Variants in SLC14A2 observed in about 807,000 individuals in gnomAD.
SLC14A2 encodes the protein urea transporter 2.
Under a neutral mutation model 104.6 loss-of-function variants are expected in SLC14A2, and 91 were observed. The observed-to-expected ratio is 0.87, with a 90% CI of 0.73 to 1.04. SLC14A2 has a LOEUF of 1.04. Ranked by LOEUF, SLC14A2 falls within the 50% of genes least tolerant of loss-of-function variation. SLC14A2 has a pLI of 0.00. For missense variants in SLC14A2, 1,189 were observed against 1,156.0 expected, an observed-to-expected ratio of 1.03 and a Z score of -0.41; for synonymous variants, 476 against 466.4, an observed-to-expected ratio of 1.02 and a Z score of -0.27.
In SLC14A2 at chr18:45,629,645, G is replaced by A. The variant is rs114344612; in HGVS notation, c.521+2498G>A. 7.5e-3 allele frequency among the ~76,000 whole-genome samples: 1,142 copies of A among 152,060 alleles called. 7 individuals carry two copies. Among genetic ancestry groups the A allele is most frequent in the African/African-American group, 0.018 (766 of 41,470 alleles). On this transcript the variant is annotated intron_variant, in intron 4 of 19. Coordinates refer to ENST00000255226, the MANE Select transcript of SLC14A2 (RefSeq NM_007163.4). ...GAGATGAGCCCAAGACCCTCCCTGCGCTGACACTCTGATTCTTTGATTATC... is the reference window on the plus strand; with the variant it reads ...GAGATGAGCCCAAGACCCTCCCTGCACTGACACTCTGATTCTTTGATTATC...
At chr18:45,206,509 G>A in the SLC14A2 span, among the ~76,000 whole-genome samples, 2 of 152,142 alleles carry the variant, frequency 1.3e-5, no homozygotes, top group African/African-American at 4.8e-5. Flanking sequence ...GCCTTACTGT[G>A]CAATAACTTG....
At chr18:45,538,411 G>A (rs548239355) in intron 2 of SLC14A2, among the ~76,000 whole-genome samples, 12 of 152,192 alleles carry the variant, frequency 7.9e-5, no homozygotes, top group African/African-American at 2.9e-4. Flanking sequence ...TGAGGTTTCA[G>A]TTAAGCTATT....
intron 1 of SLC14A2, among the ~76,000 whole-genome samples, chr18:45,421,572 G>T (rs1401727135): frequency 2.6e-5 from 4 of 152,104 alleles, no homozygotes; most frequent in Non-Finnish European, 5.9e-5. Context: ...GATGTTTTTG[G>T]TCCGTATTTT....
rs1002439090 is a variant in SLC14A2 at position 45,503,336 on chromosome 18, A to C, written c.-35+20014A>C. Among the ~76,000 whole-genome samples the C allele has an allele frequency of 5.3e-5, 8 of 152,168 alleles. No individual in the cohort carries two copies. In the East Asian group the frequency reaches 1.5e-3, roughly 29 times the overall value. On this transcript the variant is annotated intron_variant, in intron 2 of 20. Coordinates refer to the SLC14A2 transcript ENST00000586448. Reference sequence around the variant, plus strand: ...CAAGGGGTCTCTCCACGTTATGTACATTAACCAAAATGGGGTCATCCCATG... The same window carrying C: ...CAAGGGGTCTCTCCACGTTATGTACCTTAACCAAAATGGGGTCATCCCATG...
At position 45,250,755 on chromosome 18, in the gene SLC14A2, C is replaced by CTTTTTTTTTTTT. The variant is rs67864793; in HGVS notation, c.-125+37574_-125+37585dup. 1.7e-3 allele frequency among the ~76,000 whole-genome samples: 159 copies of CTTTTTTTTTTTT among 93,868 alleles called. 3 individuals are homozygous for CTTTTTTTTTTTT. The highest frequency in any genetic ancestry group is 6.3e-3 in the African/African-American group (145 of 22,918). The allele number at this position is 93,868 out of a possible 152,430, so 61.6% of individuals were successfully genotyped here. A position where few individuals can be genotyped will look rare whatever the true frequency, so the allele number is the denominator to read the frequency against. ...GAATCCTCTGGCTAGTGGCTTCTTC[C>CTTTTTTTTTTTT]TTTTTTTTTTTTTTTTTTTTTGGCT... On this transcript the variant is annotated intron_variant, in intron 1 of 20. Transcript: ENST00000586448.
intron 1 of SLC14A2, among the ~76,000 whole-genome samples, chr18:45,320,949 G>A (rs755528796): frequency 2.2e-4 from 34 of 152,304 alleles, no homozygotes; most frequent in Middle Eastern, 6.8e-3. Context: ...GGCTTGAACC[G>A]AGTGGAAACT....
chr18:45,641,361 C>T lies in SLC14A2; in HGVS notation c.1126+18C>T. ...CATCTGTGGTAGGTGTTCAGAAAAG[C>T]TGACAACCAGGTTATTCTGGCTATT... On this transcript the variant is annotated intron_variant, in intron 8 of 19. Coordinates refer to ENST00000255226, the MANE Select transcript of SLC14A2 (RefSeq NM_007163.4). 1 of 1,614,042 alleles carries T rather than the reference C, an allele frequency of 6.2e-7. No homozygotes were observed. Among genetic ancestry groups the T allele is most frequent in the African/African-American group, 1.3e-5 (1 of 75,054 alleles).
chr18:45,536,244 A>G (rs1488464415), intron 2 of SLC14A2, among the ~76,000 whole-genome samples: 1 of 152,206 alleles, frequency 6.6e-6, no homozygotes, highest in East Asian at 1.9e-4. Context: ...GTGGGCTTGA[A>G]CAAGAAAGCA....
intron 2 of SLC14A2, among the ~76,000 whole-genome samples, chr18:45,496,968 A>C (rs1248821434): frequency 1.3e-5 from 2 of 152,122 alleles, no homozygotes; most frequent in Non-Finnish European, 2.9e-5. Flanking sequence ...CCACAGACTG[A>C]AGTCTGCACT....
intron 1 of SLC14A2, among the ~76,000 whole-genome samples, chr18:45,306,268 G>A (rs1811687478): frequency 6.6e-6 from 1 of 152,136 alleles, no homozygotes; most frequent in African/African-American, 2.4e-5. Flanking sequence ...AGCACAGAAA[G>A]GATTTTTAAA....
intron 1 of SLC14A2, among the ~76,000 whole-genome samples, chr18:45,300,101 T>C (rs1208116952): frequency 1.3e-5 from 2 of 152,144 alleles, no homozygotes; most frequent in Non-Finnish European, 2.9e-5. Flanking sequence ...CCTGGGTATA[T>C]TTCAAAAGAC....
At chr18:45,495,642 T>C (rs1313004860) in intron 2 of SLC14A2, among the ~76,000 whole-genome samples, 7 of 152,180 alleles carry the variant, frequency 4.6e-5, no homozygotes, top group Non-Finnish European at 1.0e-4. Context: ...TCATTGCCTA[T>C]GTTAGCCCCC....
At chr18:45,396,819 CCCACCCT>C (rs913017959) in intron 1 of SLC14A2, among the ~76,000 whole-genome samples, 5 of 151,974 alleles carry the variant, frequency 3.3e-5, no homozygotes, top group African/African-American at 9.7e-5. Context: ...TCCCCTTCCT[CCCACCCT>C]CCACCCTCAA....
chr18:45,295,432 A>G (rs1400534717), intron 1 of SLC14A2, among the ~76,000 whole-genome samples: 3 of 152,092 alleles, frequency 2.0e-5, no homozygotes, highest in Non-Finnish European at 4.4e-5. Context: ...ATGGGTTGTC[A>G]TATGGCTGCC....
rs373805705 is a variant in SLC14A2, at chr18:45,452,193, T to C, written c.-124-31040T>C. 9.2e-5 allele frequency among the ~76,000 whole-genome samples: 14 copies of C among 152,316 alleles called. No individual in the cohort carries two copies. In the East Asian group the frequency reaches 2.7e-3, roughly 29 times the overall value. On this transcript the variant is annotated intron_variant, in intron 1 of 20. Transcript: ENST00000586448. ...ACACTGTAGAAGTTTAGCCAAAAGC[T>C]TGGACTCAGAGATGCCTGCATTTGA...
intron 2 of SLC14A2, among the ~76,000 whole-genome samples, chr18:45,557,435 C>T (rs1356245095): frequency 2.6e-5 from 4 of 152,214 alleles, no homozygotes; most frequent in Non-Finnish European, 5.9e-5. Flanking sequence ...ATTTTCCTGG[C>T]ATCCTGTCAC....
At chr18:45,543,358 A>G in intron 2 of SLC14A2, among the ~76,000 whole-genome samples, 1 of 152,124 alleles carries the variant, frequency 6.6e-6, no homozygotes, top group Non-Finnish European at 1.5e-5. Flanking sequence ...ATAAAATTAT[A>G]TTATCTTATA....
chr18:45,540,197 G>A (rs1454368991), intron 2 of SLC14A2, among the ~76,000 whole-genome samples: 1 of 152,088 alleles, frequency 6.6e-6, no homozygotes, highest in Non-Finnish European at 1.5e-5. Context: ...ACTGAAGTGG[G>A]CAGGACCTCC....
At chr18:45,382,834 A>G (rs191412330) in intron 1 of SLC14A2, among the ~76,000 whole-genome samples, 49 of 152,336 alleles carry the variant, frequency 3.2e-4, no homozygotes, top group Non-Finnish European at 6.2e-4. Context: ...CATGCCATTC[A>G]TGGGCAGTAT....
Sources: gnomAD v4.1 joint callset for allele counts (sites outside exome capture counted in the v4.1 genomes callset) on GRCh38, gnomAD v4.1.1 for gene constraint, MANE v1.5 for transcripts, NCBI Gene and HGNC (gene_info 2026-07-23, HGNC 2026-07-21) for gene names.